Variants in NACC2 observed in about 807,000 individuals in gnomAD.
NACC2 encodes the protein nucleus accumbens-associated protein 2.
Under a neutral mutation model 25.1 loss-of-function variants are expected in NACC2, and 8 were observed. The observed-to-expected ratio is 0.32, with a 90% CI of 0.19 to 0.57. The LOEUF (loss-of-function observed/expected upper bound fraction) is 0.57. Among genes scored for constraint, NACC2 ranks in the 20% least tolerant of loss-of-function variants. The probability of loss-of-function intolerance (pLI) is 0.89; values close to 1 mark genes in which losing one functional copy is unlikely to be tolerated. For missense variants in NACC2, 644 were observed against 650.2 expected (o/e 0.99, Z 0.10); for synonymous variants, 435 against 294.7 (o/e 1.48, Z -4.88).
In NACC2 at chr9:136,084,194, C is replaced by G. The variant is rs1293482364; in HGVS notation, c.-60+10995G>C. Among the ~76,000 whole-genome samples, 1 of 152,118 alleles carries G rather than the reference C, an allele frequency of 6.6e-6. No individual in the cohort carries two copies. Among genetic ancestry groups the G allele is most frequent in the African/African-American group, 2.4e-5 (1 of 41,410 alleles). On this transcript the variant is annotated intron_variant, in intron 1 of 5. Coordinates refer to ENST00000277554, the MANE Select transcript of NACC2 (RefSeq NM_144653.5). This position sits in a 1 kb window ranked among gnomAD's most constrained non-coding sequence, Gnocchi z 5.1. ...GTGGGTTCCGATGAGACCCTCAACA[C>G]CCACTCACCAACCTGCAGCCTCCCC...
intron 1 of NACC2, among the ~76,000 whole-genome samples, chr9:136,059,069 T>C (rs1217024357): frequency 6.6e-6 from 1 of 152,152 alleles, no homozygotes; most frequent in Non-Finnish European, 1.5e-5. Context: ...AGAAGCGTGA[T>C]CTGGAACCCA....
chr9:136,048,134 G>A lies in NACC2; in HGVS notation c.886+1502C>T, dbSNP rs1840756966. On this transcript the variant is annotated intron_variant, in intron 2 of 5. Coordinates refer to ENST00000277554, the MANE Select transcript of NACC2 (RefSeq NM_144653.5). ...GCCATCAATGGGGGATGTCCTCAGG[G>A]ACTGTAGGGGTGCCCAGCCTGTCTG... 2.6e-5 allele frequency among the ~76,000 whole-genome samples: 4 copies of A among 152,342 alleles called. No homozygotes were observed. In the South Asian group the frequency reaches 8.3e-4, roughly 32 times the overall value.
At chr9:136,089,427 C>T (rs1489040128) in intron 1 of NACC2, among the ~76,000 whole-genome samples, 1 of 152,112 alleles carries the variant, frequency 6.6e-6, no homozygotes, top group Non-Finnish European at 1.5e-5. Flanking sequence ...GGGGTACAGA[C>T]TTCAGAGAAC....
In NACC2 at chr9:136,086,244, G is replaced by A. The variant is rs926435146; in HGVS notation, c.-60+8945C>T. On this transcript the variant is annotated intron_variant, in intron 1 of 5. Transcript: ENST00000277554. The surrounding 1 kb of genome is among the most constrained non-coding windows in gnomAD (Gnocchi z 5.6). ...GCGCAGTGCCTGCCTTCCTGTGAGA[G>A]AACCCTCACACCGTGCAGCTGGGGA... Among the ~76,000 whole-genome samples, 2 of 152,220 alleles carry A rather than the reference G, an allele frequency of 1.3e-5. No individual in the cohort carries two copies. The highest frequency in any genetic ancestry group is 2.9e-5 in the Non-Finnish European group (2 of 68,040).
chr9:136,023,058 AAGGAGGGAAGAG>A (rs1840317197), intron 2 of NACC2, among the ~76,000 whole-genome samples: 7 of 27,196 alleles, frequency 2.6e-4, no homozygotes, highest in Admixed American at 4.7e-4. Flanking sequence ...AGGAGGGAGG[AAGGAGGGAAGAG>A]GGAGGGAGGA....
At chr9:136,046,357 G>A (rs1840724867) in intron 2 of NACC2, among the ~76,000 whole-genome samples, 1 of 152,208 alleles carries the variant, frequency 6.6e-6, no homozygotes, top group Non-Finnish European at 1.5e-5. Context: ...TGGATACGAT[G>A]TTTTTCTTTC....
chr9:136,058,325 G>A (rs999674498), intron 1 of NACC2, among the ~76,000 whole-genome samples: 1 of 152,224 alleles, frequency 6.6e-6, no homozygotes, highest in African/African-American at 2.4e-5. Context: ...CATCCTGCCC[G>A]GTCCCCACGG....
At chr9:136,063,250 G>A (rs1447492575) in intron 1 of NACC2, among the ~76,000 whole-genome samples, 2 of 152,184 alleles carry the variant, frequency 1.3e-5, no homozygotes, top group Admixed American at 6.5e-5. Flanking sequence ...GCTGTGCAGA[G>A]CACCTGGGAG....
intron 1 of NACC2, among the ~76,000 whole-genome samples, chr9:136,092,446 A>C (rs1366215702): frequency 6.6e-6 from 1 of 152,222 alleles, no homozygotes; most frequent in East Asian, 1.9e-4. Context: ...TCCAGCGTCC[A>C]GACGGGCTAG....
intron 1 of NACC2, among the ~76,000 whole-genome samples, chr9:136,093,337 A>G (rs1274623685): frequency 6.6e-6 from 1 of 152,140 alleles, no homozygotes; most frequent in Non-Finnish European, 1.5e-5. Context: ...AGAATTTTTT[A>G]AAAGTCACCA....
intron 2 of NACC2, among the ~76,000 whole-genome samples, chr9:136,028,818 C>G (rs2131145629): frequency 6.6e-6 from 1 of 152,366 alleles, no homozygotes; most frequent in African/African-American, 2.4e-5. Context: ...CTTCCAGGAC[C>G]TGCTCCGATT....
At chr9:136,047,613 C>T (rs1840750366) in intron 2 of NACC2, among the ~76,000 whole-genome samples, 2 of 152,222 alleles carry the variant, frequency 1.3e-5, no homozygotes, top group African/African-American at 4.8e-5. Context: ...TGTCCCCACC[C>T]CTCAGCCCCA....
chr9:136,065,478 G>A (rs913689325), intron 1 of NACC2, among the ~76,000 whole-genome samples: 1 of 152,206 alleles, frequency 6.6e-6, no homozygotes, highest in African/African-American at 2.4e-5. Flanking sequence ...AAGTCAGCCA[G>A]ATGTGGTGGC....
At chr9:136,077,656 C>A (rs1463016197) in intron 1 of NACC2, among the ~76,000 whole-genome samples, 1 of 152,168 alleles carries the variant, frequency 6.6e-6, no homozygotes, top group Non-Finnish European at 1.5e-5. Flanking sequence ...GAGAAGGTCC[C>A]CAGGCGGTGA....
chr9:136,012,130 C>G, intron 5 of NACC2, 106 bp from the exon 6 acceptor site: 4 of 1,359,550 alleles, frequency 2.9e-6, no homozygotes, highest in Non-Finnish European at 3.9e-6. Context: ...CCCGGCCGCT[C>G]CTGGGGCCCA....
chr9:136,033,908 T>C (rs1840512768), intron 2 of NACC2, among the ~76,000 whole-genome samples: 2 of 148,156 alleles, frequency 1.3e-5, no homozygotes, highest in African/African-American at 2.6e-5. Context: ...TGTGTGTGTG[T>C]GTGTGTGTGT....
At chr9:136,042,851 CACACAGAG>C (rs58765981) in intron 2 of NACC2, among the ~76,000 whole-genome samples, 12,759 of 146,706 alleles carry the variant, frequency 0.087, 679 homozygotes, top group Middle Eastern at 0.16. Flanking sequence ...CATACAGACA[CACACAGAG>C]ACACAGAGAC....
At chr9:136,038,342 C>G (rs554876513) in intron 2 of NACC2, among the ~76,000 whole-genome samples, 610 of 152,282 alleles carry the variant, frequency 4.0e-3, no homozygotes, top group Non-Finnish European at 6.7e-3. Context: ...TCCAGACCAG[C>G]CTGGGCAACG....
At chr9:136,079,620 G>C (rs925871946) in intron 1 of NACC2, among the ~76,000 whole-genome samples, 1 of 152,188 alleles carries the variant, frequency 6.6e-6, no homozygotes, top group African/African-American at 2.4e-5. Context: ...GCAGAAGAGA[G>C]GCCAGAGGCC....
Sources: gnomAD v4.1 joint callset for allele counts (sites outside exome capture counted in the v4.1 genomes callset) on GRCh38, gnomAD v4.1.1 for gene constraint, Gnocchi (gnomAD v3.1) non-coding constraint, MANE v1.5 for transcripts, NCBI Gene and HGNC (gene_info 2026-07-23, HGNC 2026-07-21) for gene names.